Variants in FAM13A observed in about 807,000 individuals in gnomAD.
FAM13A encodes protein FAM13A.
FAM13A carries 76 observed loss-of-function variants against 129.6 expected under a neutral mutation model. That is an observed-to-expected ratio of 0.59 (90% CI 0.49 to 0.71). The LOEUF is 0.71. FAM13A is among the 30% of genes least tolerant of loss of function. FAM13A has a pLI of 0.00. For missense variants in FAM13A, 1,108 were observed against 1,249.3 expected (o/e 0.89, Z 1.70); for synonymous variants, 443 against 449.9 (o/e 0.98, Z 0.20).
chr4:88,861,551 C>T (rs1739501164), intron 6 of FAM13A, among the ~76,000 whole-genome samples: 1 of 151,938 alleles, frequency 6.6e-6, no homozygotes, highest in African/African-American at 2.4e-5. Context: ...TCAAACTATC[C>T]TAGTGGTTTA....
At chr4:88,876,936 T>C (rs1742638942) in intron 6 of FAM13A, among the ~76,000 whole-genome samples, 3 of 152,326 alleles carry the variant, frequency 2.0e-5, no homozygotes, top group African/African-American at 4.8e-5. Flanking sequence ...TTTTAAAATA[T>C]AATTAATTCA....
intron 6 of FAM13A, among the ~76,000 whole-genome samples, chr4:88,866,035 C>T (rs1199757072): frequency 6.6e-6 from 1 of 151,220 alleles, no homozygotes; most frequent in Non-Finnish European, 1.5e-5. Flanking sequence ...CCATGTTCCA[C>T]TAATTTTTGT....
intron 4 of FAM13A, among the ~76,000 whole-genome samples, chr4:88,973,576 G>T (rs1242576265): frequency 1.0e-5 from 1 of 97,368 alleles, no homozygotes; most frequent in African/African-American, 4.3e-5. Context: ...ATCCATTAGG[G>T]CCCTTATCCT....
intron 3 of FAM13A, among the ~76,000 whole-genome samples, chr4:88,993,056 C>T (rs1763110420): frequency 6.6e-6 from 1 of 152,180 alleles, no homozygotes; most frequent in South Asian, 2.1e-4. Flanking sequence ...CATTGAGAGG[C>T]TTCAGAGCAC....
At chr4:88,877,706 GAA>G (rs2150110372) in intron 6 of FAM13A, among the ~76,000 whole-genome samples, 1 of 152,264 alleles carries the variant, frequency 6.6e-6, no homozygotes, top group East Asian at 1.9e-4. Flanking sequence ...CTATAATGAA[GAA>G]AAGTTAACTA....
intron 6 of FAM13A, among the ~76,000 whole-genome samples, chr4:88,869,324 C>T (rs1370735041): frequency 2.6e-5 from 4 of 152,168 alleles, no homozygotes; most frequent in Admixed American, 2.0e-4. Flanking sequence ...TTTTTCATTT[C>T]ATTTTGGAGA....
chr4:88,909,258 G>C (rs555105136), intron 5 of FAM13A, among the ~76,000 whole-genome samples: 12 of 151,952 alleles, frequency 7.9e-5, no homozygotes, highest in African/African-American at 2.7e-4. Flanking sequence ...AATATTCTTC[G>C]GCTATAAAAA....
At chr4:89,016,081 T>C (rs903857453) in intron 3 of FAM13A, among the ~76,000 whole-genome samples, 1 of 152,088 alleles carries the variant, frequency 6.6e-6, no homozygotes, top group Non-Finnish European at 1.5e-5. Context: ...CAAGTGTTAC[T>C]GTTCCTGAAG....
At chr4:88,961,158 T>C (rs1758541261) in intron 4 of FAM13A, among the ~76,000 whole-genome samples, 1 of 152,034 alleles carries the variant, frequency 6.6e-6, no homozygotes, top group Admixed American at 6.5e-5. Context: ...AGTTTTGAAA[T>C]ACTCTTCACT....
intron 5 of FAM13A, among the ~76,000 whole-genome samples, chr4:88,926,589 T>A (rs1257077986): frequency 6.6e-6 from 1 of 152,196 alleles, no homozygotes; most frequent in Non-Finnish European, 1.5e-5. Flanking sequence ...TCTGGCAATG[T>A]GTTACATCTA....
chr4:88,971,036 A>G (rs1045609477), intron 4 of FAM13A, among the ~76,000 whole-genome samples: 8 of 152,142 alleles, frequency 5.3e-5, no homozygotes, highest in Non-Finnish European at 1.0e-4. Flanking sequence ...GTGAAACCCC[A>G]TCTCTACTAA....
chr4:88,753,326 CTTCT>C (rs1415984663), intron 14 of FAM13A, among the ~76,000 whole-genome samples: 2 of 152,146 alleles, frequency 1.3e-5, no homozygotes, highest in Non-Finnish European at 2.9e-5. Context: ...CATCAGTTTT[CTTCT>C]TTGTTAACAC....
chr4:88,780,269 A>G (rs1441629070), intron 11 of FAM13A, among the ~76,000 whole-genome samples: 2 of 152,208 alleles, frequency 1.3e-5, no homozygotes, highest in Admixed American at 6.6e-5. Flanking sequence ...GCAGAAATTG[A>G]CAATGAGAAA....
chr4:88,961,736 T>C (rs1254687674), intron 4 of FAM13A, among the ~76,000 whole-genome samples: 4 of 152,110 alleles, frequency 2.6e-5, no homozygotes, highest in African/African-American at 9.7e-5. Flanking sequence ...TATGACATGA[T>C]AGATGTTAAC....
At chr4:89,024,430 C>A (rs1486409012) in intron 2 of FAM13A, among the ~76,000 whole-genome samples, 1 of 152,158 alleles carries the variant, frequency 6.6e-6, no homozygotes, top group Non-Finnish European at 1.5e-5. Context: ...TATCCAAAAT[C>A]TGCTTAAAGG....
At chr4:88,809,160 T>C (rs1729164746) in intron 7 of FAM13A, among the ~76,000 whole-genome samples, 1 of 152,154 alleles carries the variant, frequency 6.6e-6, no homozygotes, top group South Asian at 2.1e-4. Context: ...AAGGAAATCA[T>C]GAAAGGCATA....
At chr4:88,908,894 A>T (rs1173371512) in intron 5 of FAM13A, among the ~76,000 whole-genome samples, 2 of 152,226 alleles carry the variant, frequency 1.3e-5, no homozygotes, top group Non-Finnish European at 2.9e-5. Flanking sequence ...GCAGAGCCAC[A>T]GGACACAGGT....
At chr4:88,830,568 A>G (rs971519334) in intron 7 of FAM13A, among the ~76,000 whole-genome samples, 4 of 152,206 alleles carry the variant, frequency 2.6e-5, no homozygotes, top group Admixed American at 2.0e-4. Flanking sequence ...AAAATATCCC[A>G]TAGAGATAGA....
chr4:88,875,633 A>G (rs1234840582), intron 6 of FAM13A, among the ~76,000 whole-genome samples: 3 of 152,234 alleles, frequency 2.0e-5, no homozygotes, highest in Non-Finnish European at 4.4e-5. Flanking sequence ...TTAAAAAGTC[A>G]GGAAACAACA....
Sources: allele counts gnomAD v4.1 joint callset (sites outside exome capture counted in the v4.1 genomes callset), GRCh38; gene constraint gnomAD v4.1.1; transcripts MANE v1.5; gene names NCBI Gene and HGNC (gene_info 2026-07-23, HGNC 2026-07-21).